FMN1: variants seen among roughly 807,000 people sequenced by gnomAD.
FMN1 encodes the protein formin 1, also known as formin-1.
FMN1 carries 110 observed loss-of-function variants against 132.4 expected under a neutral mutation model. The observed-to-expected ratio is 0.83, with a 90% CI of 0.71 to 0.97. FMN1 has a LOEUF of 0.97. FMN1 is among the 50% of genes least tolerant of loss of function. The pLI is 0.00. For synonymous variants in FMN1, 722 were observed against 651.7 expected (o/e 1.11, Z -1.64); for missense variants, 1,792 against 1,705.3 (o/e 1.05, Z -0.90).
At chr15:32,906,416 G>A (rs2060426264) in intron 12 of FMN1, among the ~76,000 whole-genome samples, 1 of 152,242 alleles carries the variant, frequency 6.6e-6, no homozygotes, top group African/African-American at 2.4e-5. Context: ...TTGGGGCACA[G>A]CGATACCCAT....
chr15:32,991,300 C>G, intron 7 of FMN1, among the ~76,000 whole-genome samples: 1 of 152,168 alleles, frequency 6.6e-6, no homozygotes, highest in East Asian at 1.9e-4. Flanking sequence ...TTCCTTCTGG[C>G]CAGCTCCCTG....
chr15:32,986,812 T>C (rs760689205), intron 7 of FMN1, among the ~76,000 whole-genome samples: 1 of 152,158 alleles, frequency 6.6e-6, no homozygotes, highest in Non-Finnish European at 1.5e-5. Flanking sequence ...GATTATACTA[T>C]ATTACTTTTG....
chr15:33,153,672 C>G lies in FMN1; in HGVS notation c.1243G>C (p.Gly415Arg). 1.4e-5 allele frequency: 22 copies of G among 1,536,400 alleles called. No individual in the cohort carries two copies. Among genetic ancestry groups the G allele is most frequent in the Non-Finnish European group, 1.8e-5 (21 of 1,146,982 alleles). ...SISSVSASAEGAVNKVPLKVI... is the reference protein window; with the variant it reads ...SISSVSASAERAVNKVPLKVI... Reference sequence around the variant, plus strand: ...TTCAGGGGGACCTTGTTCACGGCCCCCTCGGCACTGGCCGACACACTAGAA... The same window carrying G: ...TTCAGGGGGACCTTGTTCACGGCCCGCTCGGCACTGGCCGACACACTAGAA... Residue 415 changes from glycine to arginine, a missense_variant, in exon 4 of 21, where the codon GGG (glycine) becomes CGG (arginine). This residue lies in a region of FMN1 where 638 missense variants were observed against 645.2 expected (regional missense o/e 0.99). Coordinates refer to ENST00000616417, the MANE Select transcript of FMN1 (RefSeq NM_001277313.2).
intron 6 of FMN1, among the ~76,000 whole-genome samples, chr15:33,011,349 T>C (rs2034708068): frequency 6.6e-6 from 1 of 152,076 alleles, no homozygotes; most frequent in South Asian, 2.1e-4. Context: ...GGGAAAAAAA[T>C]ATTCTGTTCC....
chr15:32,965,907 C>T (rs527495246), intron 8 of FMN1, among the ~76,000 whole-genome samples: 1 of 152,232 alleles, frequency 6.6e-6, no homozygotes, highest in East Asian at 1.9e-4. Flanking sequence ...AGCCATACCC[C>T]TCTGCTACTC....
At chr15:32,940,787 G>C (rs945730781) in intron 9 of FMN1, among the ~76,000 whole-genome samples, 2 of 152,044 alleles carry the variant, frequency 1.3e-5, no homozygotes, top group African/African-American at 4.8e-5. Context: ...CTCATGGTCT[G>C]GGTGTCCAAA....
intron 3 of FMN1, among the ~76,000 whole-genome samples, chr15:33,165,426 T>C (rs12148844): frequency 0.2 from 30,548 of 152,232 alleles, 3,665 homozygotes; most frequent in Middle Eastern, 0.31. Context: ...AGTCTCGCTC[T>C]GTCACCCAGG....
At chr15:32,975,760 T>G (rs1415229237) in intron 7 of FMN1, among the ~76,000 whole-genome samples, 1 of 152,162 alleles carries the variant, frequency 6.6e-6, no homozygotes, top group Admixed American at 6.5e-5. Flanking sequence ...ATACATATCA[T>G]AAACCACCCG....
At chr15:32,923,221 A>G (rs1000658458) in intron 10 of FMN1, among the ~76,000 whole-genome samples, 1 of 152,210 alleles carries the variant, frequency 6.6e-6, no homozygotes, top group African/African-American at 2.4e-5. Context: ...TCCTCCAGTC[A>G]TATCTAACCA....
intron 16 of FMN1, among the ~76,000 whole-genome samples, chr15:32,869,787 A>C (rs1336467874): frequency 2.6e-5 from 4 of 152,220 alleles, no homozygotes; most frequent in Non-Finnish European, 4.4e-5. Context: ...ATTGCAGGAA[A>C]GAAAGAGCAG....
chr15:33,016,056 A>G (rs999635143), intron 6 of FMN1, among the ~76,000 whole-genome samples: 11 of 152,378 alleles, frequency 7.2e-5, no homozygotes, highest in African/African-American at 2.6e-4. Context: ...TATAATGCAC[A>G]GCAAAGTTTG....
At chr15:33,104,004 T>C (rs2039390152) in intron 4 of FMN1, among the ~76,000 whole-genome samples, 1 of 152,024 alleles carries the variant, frequency 6.6e-6, no homozygotes, top group East Asian at 1.9e-4. Flanking sequence ...GAAAATTAAC[T>C]TCATCGGCAA....
At chr15:32,806,474 C>T (rs764461356) in intron 17 of FMN1, among the ~76,000 whole-genome samples, 1 of 152,254 alleles carries the variant, frequency 6.6e-6, no homozygotes, top group African/African-American at 2.4e-5. Context: ...ATTAATACTA[C>T]ATTACCATAA....
At chr15:32,872,589 C>A (rs2059541057) in intron 16 of FMN1, among the ~76,000 whole-genome samples, 1 of 152,232 alleles carries the variant, frequency 6.6e-6, no homozygotes, top group Non-Finnish European at 1.5e-5. Context: ...TTGAAGGCCA[C>A]AGGCCTGAGC....
chr15:32,868,909 A>G (rs1247478347), intron 16 of FMN1, among the ~76,000 whole-genome samples: 1 of 152,194 alleles, frequency 6.6e-6, no homozygotes, highest in African/African-American at 2.4e-5. Flanking sequence ...CAACAATGAG[A>G]AACAAGGAAA....
chr15:32,845,387 G>C (rs2058832759), intron 17 of FMN1, among the ~76,000 whole-genome samples: 1 of 152,172 alleles, frequency 6.6e-6, no homozygotes, highest in African/African-American at 2.4e-5. Context: ...CCTCTATTAA[G>C]ACCTCAGAAA....
At chr15:33,122,955 C>T (rs1385555530) in intron 4 of FMN1, among the ~76,000 whole-genome samples, 1 of 151,962 alleles carries the variant, frequency 6.6e-6, no homozygotes, top group African/African-American at 2.4e-5. Flanking sequence ...TATACATGGC[C>T]TAACAATATC....
chr15:33,167,912 C>A (rs537933314), intron 3 of FMN1, among the ~76,000 whole-genome samples: 1 of 151,870 alleles, frequency 6.6e-6, no homozygotes. Context: ...GTCTCAGGGA[C>A]GACAGAGGCA....
chr15:32,921,405 G>A (rs1474046917), intron 10 of FMN1, among the ~76,000 whole-genome samples: 3 of 152,286 alleles, frequency 2.0e-5, no homozygotes, highest in East Asian at 3.9e-4. Context: ...GGGACAAAGT[G>A]AAATAAGAGA....
Sources: gnomAD v4.1 joint callset for allele counts (sites outside exome capture counted in the v4.1 genomes callset) on GRCh38, gnomAD v4.1.1 for gene constraint, gnomAD v4.1.1 regional missense constraint, MANE v1.5 for transcripts, NCBI Gene and HGNC (gene_info 2026-07-23, HGNC 2026-07-21) for gene names.